The following MAD1L1 variants were observed in gnomAD, a reference collection of about 807,000 sequenced individuals.
MAD1L1 encodes the protein mitotic spindle assembly checkpoint protein MAD1.
MAD1L1 carries 95 observed loss-of-function variants against 96.9 expected under a neutral mutation model. The ratio of observed to expected loss-of-function variants is 0.98; its 90% CI spans 0.83 to 1.16. MAD1L1 has a LOEUF of 1.16. MAD1L1 is among the 50% of genes most tolerant of loss of function. The pLI is 0.00. For synonymous variants in MAD1L1, 473 were observed against 396.6 expected (o/e 1.19, Z -2.29); for missense variants, 1,007 against 954.4 (o/e 1.06, Z -0.73).
At chr7:2,113,254 A>G (rs1787477781) in intron 11 of MAD1L1, among the ~76,000 whole-genome samples, 1 of 152,226 alleles carries the variant, frequency 6.6e-6, no homozygotes. Context: ...GAGATGCACC[A>G]ATAGATGCTT....
At chr7:2,160,928 CCCA>C in intron 10 of MAD1L1, among the ~76,000 whole-genome samples, 1 of 152,134 alleles carries the variant, frequency 6.6e-6, no homozygotes, top group South Asian at 2.1e-4. Flanking sequence ...AAAAATAATT[CCCA>C]CAACAAATTA....
rs532612457 is a variant in MAD1L1 at position 1,938,499 on chromosome 7, G to A, written c.1597-1602C>T. Among the ~76,000 whole-genome samples, 15 of 152,318 alleles carry A rather than the reference G, an allele frequency of 9.8e-5. No homozygotes were observed. In the Middle Eastern group the frequency reaches 0.01, roughly 104 times the overall value. On this transcript the variant is annotated intron_variant, in intron 16 of 18. Coordinates refer to ENST00000265854, the MANE Select transcript of MAD1L1 (RefSeq NM_001013836.2). Reference sequence around the variant, plus strand: ...GAAAGGCACCCACAGAGCAGGAGGTGCTGTTTGAAAATCACATTTCTGAGA... The same window carrying A: ...GAAAGGCACCCACAGAGCAGGAGGTACTGTTTGAAAATCACATTTCTGAGA...
In MAD1L1 at chr7:2,222,481, G is replaced by A. The variant is rs1471843087; in HGVS notation, c.471+94C>T. The A allele has an allele frequency of 2.6e-6, 3 of 1,161,022 alleles. No homozygotes were observed. In the South Asian group the frequency reaches 5.1e-5, roughly 20 times the overall value. 71.9% of individuals were successfully genotyped at this position (1,161,022 alleles called of 1,614,324 possible). A position where few individuals can be genotyped will look rare whatever the true frequency, so the allele number is the denominator to read the frequency against. On this transcript the variant is annotated intron_variant, in intron 5 of 18. Coordinates refer to ENST00000265854, the MANE Select transcript of MAD1L1 (RefSeq NM_001013836.2). ...GCAGCTGCCCGTGTGGGAAGCACAA[G>A]TGAAAACACAAGCGGGCACTGCAGT...
At chr7:2,010,563 G>A (rs1277241472) in intron 13 of MAD1L1, among the ~76,000 whole-genome samples, 1 of 152,226 alleles carries the variant, frequency 6.6e-6, no homozygotes, top group African/African-American at 2.4e-5. Flanking sequence ...TTATTAAATG[G>A]AATAAATAAC....
chr7:1,994,646 G>A (rs1435935925), intron 14 of MAD1L1, among the ~76,000 whole-genome samples: 1 of 152,088 alleles, frequency 6.6e-6, no homozygotes. Flanking sequence ...AGGCCACCGG[G>A]CGGAGCCTCG....
chr7:2,116,379 T>C (rs1787692917), intron 11 of MAD1L1, among the ~76,000 whole-genome samples: 1 of 152,226 alleles, frequency 6.6e-6, no homozygotes, highest in African/African-American at 2.4e-5. Context: ...AAACGCTTCC[T>C]GAACGGGAGC....
At position 2,056,115 on chromosome 7, in the gene MAD1L1, C is replaced by T. The variant is rs536517648; in HGVS notation, c.1218+13079G>A. Among the ~76,000 whole-genome samples the T allele has an allele frequency of 2.0e-5, 3 of 152,398 alleles. No homozygotes were observed. The South Asian group carries it at 6.2e-4, about 32-fold the overall frequency. On this transcript the variant is annotated intron_variant, in intron 12 of 18. Coordinates refer to ENST00000265854, the MANE Select transcript of MAD1L1 (RefSeq NM_001013836.2). ...GGCCACAGAGCTGACCCCCCGACGCCTCAGCGGGCGCCACAGGGAACATGA... is the reference window on the plus strand; with the variant it reads ...GGCCACAGAGCTGACCCCCCGACGCTTCAGCGGGCGCCACAGGGAACATGA...
At chr7:2,014,791 CCCACCAAAGTGAAGAGGG>C (rs934491641) in intron 12 of MAD1L1, 149 bp from the exon 13 acceptor site, 19 of 868,568 alleles carry the variant, frequency 2.2e-5, no homozygotes, top group Admixed American at 3.3e-5. Flanking sequence ...CCCCTGAGGG[CCCACCAAAGTGAAGAGGG>C]CCCCAGAGTT....
intron 18 of MAD1L1, chr7:1,847,856 G>A (rs191790154): frequency 1.7e-4 from 65 of 383,846 alleles, no homozygotes; most frequent in African/African-American, 1.2e-3. Context: ...GCTCCCACGT[G>A]CTGAGGGGAC....
At chr7:1,857,597 G>A (rs753322735) in intron 18 of MAD1L1, among the ~76,000 whole-genome samples, 3 of 152,242 alleles carry the variant, frequency 2.0e-5, no homozygotes, top group African/African-American at 4.8e-5. Context: ...GGCTGGGCCC[G>A]AGGATGAGCC....
intron 10 of MAD1L1, among the ~76,000 whole-genome samples, chr7:2,151,646 G>C (rs918329173): frequency 6.6e-6 from 1 of 152,278 alleles, no homozygotes; most frequent in East Asian, 1.9e-4. Flanking sequence ...AGCAAAGCTG[G>C]GAGCTGGGGT....
Position 2,216,060 on chromosome 7 carries a change from C to A in MAD1L1, c.810-61G>T, listed in dbSNP as rs2114994462. 2.5e-6 allele frequency: 4 copies of A among 1,611,132 alleles called. No homozygotes were observed. In the East Asian group the frequency reaches 6.7e-5, roughly 27 times the overall value. On this transcript the variant is annotated intron_variant, in intron 8 of 18. Transcript: ENST00000265854. Reference sequence around the variant, plus strand: ...ACACCCTAGGGATAAGGCCAAGAGCCCGGGAGCCCTGCCCCTACAGGGTCT... The same window carrying A: ...ACACCCTAGGGATAAGGCCAAGAGCACGGGAGCCCTGCCCCTACAGGGTCT...
At chr7:2,175,146 C>T (rs552640803) in intron 10 of MAD1L1, 1 of 152,420 alleles carries the variant, frequency 6.6e-6, no homozygotes, top group South Asian at 2.1e-4. Flanking sequence ...GGCACCCCGT[C>T]CCGAAAAGCG....
At chr7:1,976,623 G>A (rs930912472) in intron 15 of MAD1L1, among the ~76,000 whole-genome samples, 4 of 152,194 alleles carry the variant, frequency 2.6e-5, no homozygotes, top group East Asian at 1.9e-4. Flanking sequence ...GCGGGTTGCC[G>A]CTGCTAGCTC....
intron 12 of MAD1L1, among the ~76,000 whole-genome samples, chr7:2,024,146 T>C (rs1782900962): frequency 6.6e-6 from 1 of 151,278 alleles, no homozygotes; most frequent in South Asian, 2.1e-4. Context: ...CACAAATTAC[T>C]AACATCAGAA....
Position 2,122,165 on chromosome 7 carries a change from G to A in MAD1L1, c.1073+26987C>T, listed in dbSNP as rs182774049. The stretch of plus-strand genomic sequence containing the variant: ...GCCATCACCAAGAGAGGTCGGAGCA[G>A]TGGCCACCCCGCATGTGGCCAGAGG... On this transcript the variant is annotated intron_variant, in intron 11 of 18. Transcript: ENST00000265854. 6.3e-3 allele frequency among the ~76,000 whole-genome samples: 965 copies of A among 152,326 alleles called. 5 individuals are homozygous for A. The highest frequency in any genetic ancestry group is 8.8e-3 in the Non-Finnish European group (602 of 68,024).
chr7:2,021,670 C>A (rs1277481890), intron 12 of MAD1L1, among the ~76,000 whole-genome samples: 1 of 152,066 alleles, frequency 6.6e-6, no homozygotes, highest in East Asian at 1.9e-4. Flanking sequence ...GAGGCTGAGG[C>A]AGGAGAATCG....
chr7:2,086,462 C>T lies in MAD1L1; in HGVS notation c.1074-17124G>A, dbSNP rs550909832. On this transcript the variant is annotated intron_variant, in intron 11 of 18. Transcript: ENST00000265854. ...AGGAGCACGACAGAGACAGCACAGCCGGCTGGGGACGGAGCCACACACGGC... is the reference window on the plus strand; with the variant it reads ...AGGAGCACGACAGAGACAGCACAGCTGGCTGGGGACGGAGCCACACACGGC... Among the ~76,000 whole-genome samples the T allele has an allele frequency of 3.9e-5, 6 of 152,358 alleles. No homozygotes were observed. The South Asian group carries it at 1.2e-3, about 32-fold the overall frequency.
At chr7:2,051,548 G>A (rs1298165370) in intron 12 of MAD1L1, among the ~76,000 whole-genome samples, 1 of 152,124 alleles carries the variant, frequency 6.6e-6, no homozygotes, top group East Asian at 1.9e-4. Context: ...CACACTTAAT[G>A]CAGAAAAGCC....
Sources: gnomAD v4.1 joint callset for allele counts (sites outside exome capture counted in the v4.1 genomes callset) on GRCh38, gnomAD v4.1.1 for gene constraint, MANE v1.5 for transcripts, NCBI Gene and HGNC (gene_info 2026-07-23, HGNC 2026-07-21) for gene names.